POMT2: variants seen among roughly 807,000 people sequenced by gnomAD.
POMT2 encodes protein O-mannosyl-transferase 2.
In POMT2, 75 loss-of-function variants were observed where a neutral mutation model predicts 100.0. The observed-to-expected ratio is 0.75, with a 90% CI of 0.62 to 0.91. The LOEUF (loss-of-function observed/expected upper bound fraction) is 0.91, where lower values mean the gene tolerates loss of function less well. Among genes scored for constraint, POMT2 ranks in the 40% least tolerant of loss-of-function variants. POMT2 has a pLI of 0.00. For missense variants in POMT2, 940 were observed against 955.1 expected, an observed-to-expected ratio of 0.98 and a Z score of 0.21; for synonymous variants, 378 against 374.1, an observed-to-expected ratio of 1.01 and a Z score of -0.12.
At chr14:77,283,902 CT>C (rs1422047750) in intron 14 of POMT2, 29 bp from the exon 15 acceptor site, 2 of 1,536,866 alleles carry the variant, frequency 1.3e-6, no homozygotes, top group African/African-American at 2.7e-5. Context: ...GGAGAAAAGC[CT>C]TTGTCATACA....
Position 77,320,639 on chromosome 14 carries a change from G to A in POMT2, c.43C>T (p.Arg15Cys). The change falls in exon 1 of 21, where the codon CGT (arginine) becomes TGT (cysteine). Residue 15 changes from arginine (R) to cysteine (C), a missense_variant. Arg to Cys is a radical substitution (Grantham distance 180). Coordinates refer to ENST00000261534, the MANE Select transcript of POMT2 (RefSeq NM_013382.7). Reference protein sequence around the residue: ...TGGGLAESELRPRRGRCGPQA... With the variant: ...TGGGLAESELCPRRGRCGPQA... Reference sequence around the variant, plus strand: ...GGGCCACAGCGGCCCCTCCGGGGACGCAGCTCGGACTCTGCCAGGCCTCCG... The same window carrying A: ...GGGCCACAGCGGCCCCTCCGGGGACACAGCTCGGACTCTGCCAGGCCTCCG... 4 of 1,592,982 alleles carry A rather than the reference G, an allele frequency of 2.5e-6. No individual in the cohort carries two copies. The highest frequency in any genetic ancestry group is 3.4e-6 in the Non-Finnish European group (4 of 1,177,612).
intron 1 of POMT2, among the ~76,000 whole-genome samples, chr14:77,312,900 T>G (rs1027285417): frequency 3.9e-5 from 6 of 152,346 alleles, no homozygotes; most frequent in Non-Finnish European, 7.3e-5. Context: ...TTATACTAAC[T>G]AGTATATAAA....
Position 77,320,446 on chromosome 14 carries a change from G to C in POMT2, c.236C>G (p.Pro79Arg). ...TCCCATCACTCACCAGATGTGCGGC[G>C]GCTCGTCCAAGCGGTGGAAGCGGGT... ...FATRFHRLDE[P>R]PHICWDETHF... is the part of the protein sequence containing the mutation. Residue 79 changes from proline (P) to arginine (R), a missense_variant, in exon 1 of 21, where the codon CCG becomes CGG. Physicochemically the swap from Pro to Arg is moderately radical, Grantham distance 103. Coordinates refer to ENST00000261534, the MANE Select transcript of POMT2 (RefSeq NM_013382.7). The C allele has an allele frequency of 6.5e-7, 1 of 1,546,490 alleles. No homozygotes were observed. The highest frequency in any genetic ancestry group is 2.0e-5 in the Admixed American group (1 of 51,030).
At chr14:77,313,962 G>A (rs1407447007) in intron 1 of POMT2, among the ~76,000 whole-genome samples, 1 of 152,130 alleles carries the variant, frequency 6.6e-6, no homozygotes, top group African/African-American at 2.4e-5. Flanking sequence ...ACCTGCCTCA[G>A]CCCCCCAAAG....
At chr14:77,318,039 T>C (rs1220387048) in intron 1 of POMT2, among the ~76,000 whole-genome samples, 2 of 152,270 alleles carry the variant, frequency 1.3e-5, no homozygotes, top group Admixed American at 1.3e-4. Context: ...TGGTAGGGGA[T>C]AAATGGAGAA....
rs1889906604 is a variant in POMT2 at position 77,275,541 on chromosome 14, C to G, written c.*1835G>C. 6.6e-6 allele frequency: 1 copy of G among 152,230 alleles called. No individual in the cohort carries two copies. Among genetic ancestry groups the G allele is most frequent in the Admixed American group, 6.5e-5 (1 of 15,286 alleles). The allele number at this position is 152,230 out of a possible 1,614,324, so 9.4% of individuals were successfully genotyped here. A position where few individuals can be genotyped will look rare whatever the true frequency, so the allele number is the denominator to read the frequency against. ...GCTTTGCTAAGAGCCAAGCACAGAC[C>G]CCTGCATTCTCCCTGCAGGAGAGCC... On this transcript the variant is annotated 3_prime_UTR_variant, in exon 21 of 21. Transcript: ENST00000261534.
intron 18 of POMT2, 98 bp downstream of exon 18, chr14:77,279,725 C>A: frequency 1.6e-6 from 2 of 1,225,280 alleles, no homozygotes; most frequent in Non-Finnish European, 2.3e-6. Flanking sequence ...GGGTGGTAAA[C>A]GCAAAGGATG....
rs1030338170 is a variant in POMT2 at position 77,285,583 on chromosome 14, C to T, written c.1382G>A (p.Arg461Lys). 2 of 1,613,670 alleles carry T rather than the reference C, an allele frequency of 1.2e-6. No homozygotes were observed. Among genetic ancestry groups the T allele is most frequent in the Admixed American group, 1.7e-5 (1 of 60,020 alleles). The change falls in exon 13 of 21, where the codon AGG (arginine) becomes AAG (lysine). Residue 461 changes from arginine (R) to lysine (K), a missense_variant. By Grantham distance (26) the Arg-to-Lys change is conservative (BLOSUM62 2). Coordinates refer to ENST00000261534, the MANE Select transcript of POMT2 (RefSeq NM_013382.7). ...NDFWRIEVVNRKFGNRIKVLR... is the reference protein window; with the variant it reads ...NDFWRIEVVNKKFGNRIKVLR... ...CACTTTGATCCGGTTTCCAAATTTC[C>T]TGTTTACGACCTCAATCCGCCAGAA...
rs886050829 is a variant in POMT2, at chr14:77,320,880, G to A, written c.-199C>T. ...CCGGGCCGCTAGGAGGCGGCAGGAG[G>A]CGCAGAGCATGTCGGGACCGGGAGG... On this transcript the variant is annotated 5_prime_UTR_variant, in exon 1 of 21. Coordinates refer to ENST00000261534, the MANE Select transcript of POMT2 (RefSeq NM_013382.7). 445 of 1,153,706 alleles carry A rather than the reference G, an allele frequency of 3.9e-4. No homozygotes were observed. The highest frequency in any genetic ancestry group is 4.7e-4 in the Non-Finnish European group (413 of 881,532). 71.5% of individuals were successfully genotyped at this position (1,153,706 alleles called of 1,614,324 possible).
At chr14:77,312,119 G>A in intron 1 of POMT2, 86 bp from the exon 2 acceptor site, 1 of 1,537,326 alleles carries the variant, frequency 6.5e-7, no homozygotes, top group Non-Finnish European at 8.8e-7. Flanking sequence ...TAAAATTAAA[G>A]GCTATGCATT....
intron 10 of POMT2, among the ~76,000 whole-genome samples, chr14:77,289,508 C>T (rs1054904838): frequency 2.0e-5 from 3 of 152,184 alleles, no homozygotes; most frequent in African/African-American, 7.2e-5. Context: ...TGTGGCCAGA[C>T]TGCATATTCC....
intron 15 of POMT2, among the ~76,000 whole-genome samples, chr14:77,280,909 T>C (rs1003368450): frequency 1.3e-5 from 2 of 152,016 alleles, no homozygotes; most frequent in African/African-American, 2.4e-5. Context: ...CTGGCCAACA[T>C]GGTAAAACCC....
rs1282852640 is a variant in POMT2 at position 77,277,084 on chromosome 14, A to G, written c.*292T>C. On this transcript the variant is annotated 3_prime_UTR_variant, in exon 21 of 21. Transcript: ENST00000261534. ...GGACAACATGCCCTCACATACACAC[A>G]CGCGCACCCACTCCCACCCTCTGGC... The G allele has an allele frequency of 3.4e-5, 16 of 475,062 alleles. No homozygotes were observed. Among genetic ancestry groups the G allele is most frequent in the South Asian group, 2.8e-4 (13 of 46,300 alleles). The allele number at this position is 475,062 out of a possible 1,614,324, so 29.4% of individuals were successfully genotyped here.
intron 1 of POMT2, among the ~76,000 whole-genome samples, chr14:77,315,919 G>T (rs968844304): frequency 7.9e-5 from 12 of 152,222 alleles, no homozygotes; most frequent in Non-Finnish European, 1.5e-4. Flanking sequence ...GGCTAAGGCA[G>T]AGAATTGCTT....
At chr14:77,306,275 A>G in intron 3 of POMT2, 62 bp downstream of exon 3, 2 of 1,602,442 alleles carry the variant, frequency 1.2e-6, no homozygotes, top group Non-Finnish European at 1.7e-6. Flanking sequence ...GCTAACTATA[A>G]CATTTCTGGT....
At chr14:77,295,540 GA>G (rs1304795940) in intron 9 of POMT2, among the ~76,000 whole-genome samples, 2 of 151,598 alleles carry the variant, frequency 1.3e-5, no homozygotes, top group Admixed American at 6.6e-5. Context: ...GCTGAGGCAG[GA>G]GAATGGCGTG....
intron 8 of POMT2, among the ~76,000 whole-genome samples, chr14:77,297,677 C>A (rs1890879740): frequency 6.6e-6 from 1 of 152,214 alleles, no homozygotes; most frequent in Non-Finnish European, 1.5e-5. Context: ...CTCCAGGAAG[C>A]AATCACCTGC....
At chr14:77,305,884 C>T (rs1251329250) in intron 3 of POMT2, among the ~76,000 whole-genome samples, 1 of 152,222 alleles carries the variant, frequency 6.6e-6, no homozygotes, top group Non-Finnish European at 1.5e-5. Context: ...GACACAGGAA[C>T]ATGGTGACAG....
chr14:77,279,063 G>T, intron 18 of POMT2, 194 bp from the exon 19 acceptor site: 2 of 751,042 alleles, frequency 2.7e-6, no homozygotes, highest in Non-Finnish European at 4.5e-6. Flanking sequence ...GCCCAGCCTA[G>T]TGAGGCCTGG....
Sources: gnomAD v4.1 joint callset for allele counts (sites outside exome capture counted in the v4.1 genomes callset) on GRCh38, gnomAD v4.1.1 for gene constraint, MANE v1.5 for transcripts, NCBI Gene and HGNC (gene_info 2026-07-23, HGNC 2026-07-21) for gene names.